ENTPD7: variants seen among roughly 807,000 people sequenced by gnomAD.
The protein encoded by ENTPD7 is ectonucleoside triphosphate diphosphohydrolase 7, also known as NTPDase 7.
ENTPD7 carries 53 observed loss-of-function variants against 77.9 expected under a neutral mutation model. That is an observed-to-expected ratio of 0.68 (90% CI 0.55 to 0.85). The LOEUF (loss-of-function observed/expected upper bound fraction) is 0.85, where lower values mean the gene tolerates loss of function less well. ENTPD7 is among the 40% of genes least tolerant of loss of function. The probability of loss-of-function intolerance (pLI) is 0.00; values close to 1 mark genes in which losing one functional copy is unlikely to be tolerated. For synonymous variants in ENTPD7, 248 were observed against 274.9 expected (o/e 0.90, Z 0.97); for missense variants, 636 against 743.7 (o/e 0.86, Z 1.68).
rs1025547673 is a variant in ENTPD7 at position 99,711,062 on chromosome 10, T to C, written c.*6379T>C. ...CATTCATGCATTCACTAATTCAATA[T>C]TTGATATGTGTCTGGGAGTGCTGGG... is the stretch of plus-strand genomic sequence containing the variant. On this transcript the variant is annotated 3_prime_UTR_variant, in exon 13 of 13. Transcript: ENST00000370489. The C allele has an allele frequency of 1.0e-5, 10 of 984,000 alleles. No individual in the cohort carries two copies. The highest frequency in any genetic ancestry group is 1.8e-5 in the African/African-American group (1 of 56,788). The allele number at this position is 984,000 out of a possible 1,614,324, so 61.0% of individuals were successfully genotyped here.
intron 5 of ENTPD7, among the ~76,000 whole-genome samples, chr10:99,683,115 CT>C (rs763722148): frequency 2.6e-4 from 38 of 148,894 alleles, no homozygotes; most frequent in African/African-American, 4.4e-4. Flanking sequence ...AGAAATTTGC[CT>C]TTTTTTTTTC....
chr10:99,704,848 C>A lies in ENTPD7; in HGVS notation c.*165C>A, dbSNP rs924249836. On this transcript the variant is annotated 3_prime_UTR_variant, in exon 13 of 13. Coordinates refer to ENST00000370489, the MANE Select transcript of ENTPD7 (RefSeq NM_020354.5). ...CGTAATTCCTTCTCCGTACCCAGGT[C>A]TTCTCTGAGAGAAGCTATAATTTAA... The A allele has an allele frequency of 3.1e-6, 2 of 654,686 alleles. No homozygotes were observed. Among genetic ancestry groups the A allele is most frequent in the African/African-American group, 1.8e-5 (1 of 54,798 alleles). 40.6% of individuals were successfully genotyped at this position (654,686 alleles called of 1,614,324 possible). A position where few individuals can be genotyped will look rare whatever the true frequency, so the allele number is the denominator to read the frequency against.
Position 99,696,126 on chromosome 10 carries a change from C to T in ENTPD7, c.1010+4C>T. 1 of 1,612,738 alleles carries T rather than the reference C, an allele frequency of 6.2e-7. No homozygotes were observed. The highest frequency in any genetic ancestry group is 8.5e-7 in the Non-Finnish European group (1 of 1,179,588). On this transcript the variant is annotated splice_donor_region_variant and intron_variant, in intron 9 of 12. Transcript: ENST00000370489. The stretch of plus-strand genomic sequence containing the variant: ...ATGAAACTCTTAACAAAAACAGGTA[C>T]ATTTGATATGGGATCTGAGTTTCTG...
At chr10:99,703,450 A>C (rs992211656) in intron 12 of ENTPD7, among the ~76,000 whole-genome samples, 2 of 152,240 alleles carry the variant, frequency 1.3e-5, no homozygotes, top group African/African-American at 2.4e-5. Context: ...AGCATTTGCC[A>C]GTTCTCATCT....
At chr10:99,678,776 C>A (rs76698775) in intron 3 of ENTPD7, among the ~76,000 whole-genome samples, 117 of 126,112 alleles carry the variant, frequency 9.3e-4, no homozygotes, top group African/African-American at 1.0e-3. Flanking sequence ...GACTCCGTCT[C>A]AAAAAAAAAA....
At position 99,709,770 on chromosome 10, in the gene ENTPD7, T is replaced by C. The variant is rs1212761274; in HGVS notation, c.*5087T>C. 1.0e-6 allele frequency: 1 copy of C among 985,270 alleles called. No homozygotes were observed. Among genetic ancestry groups the C allele is most frequent in the East Asian group, 1.1e-4 (1 of 8,832 alleles). The allele number at this position is 985,270 out of a possible 1,614,324, so 61.0% of individuals were successfully genotyped here. A position where few individuals can be genotyped will look rare whatever the true frequency, so the allele number is the denominator to read the frequency against. Reference sequence around the variant, plus strand: ...TCTTCCTTATATCCTAATAGACTTCTCTTGTGTTATTACACATTTCTCTTT... The same window carrying C: ...TCTTCCTTATATCCTAATAGACTTCCCTTGTGTTATTACACATTTCTCTTT... On this transcript the variant is annotated 3_prime_UTR_variant, in exon 13 of 13. Coordinates refer to ENST00000370489, the MANE Select transcript of ENTPD7 (RefSeq NM_020354.5).
At chr10:99,675,381 G>A (rs1438275930) in intron 3 of ENTPD7, among the ~76,000 whole-genome samples, 1 of 151,646 alleles carries the variant, frequency 6.6e-6, no homozygotes, top group Non-Finnish European at 1.5e-5. Context: ...AGGAAGATTT[G>A]CATAACTCAG....
intron 12 of ENTPD7, among the ~76,000 whole-genome samples, chr10:99,702,989 C>T (rs897591805): frequency 6.6e-6 from 1 of 152,192 alleles, no homozygotes; most frequent in Non-Finnish European, 1.5e-5. Context: ...TTCCAAGATA[C>T]TGACAAGCTA....
At position 99,710,765 on chromosome 10, in the gene ENTPD7, T is replaced by G. The variant is rs2036356337; in HGVS notation, c.*6082T>G. ...AAAATCATGATTATCAGTGTTGATC[T>G]CTGCAACCAACATTGCTTTAGGGAG... On this transcript the variant is annotated 3_prime_UTR_variant, in exon 13 of 13. Transcript: ENST00000370489. The G allele has an allele frequency of 4.1e-6, 4 of 985,304 alleles. No individual in the cohort carries two copies. The highest frequency in any genetic ancestry group is 4.8e-6 in the Non-Finnish European group (4 of 829,904). The allele number at this position is 985,304 out of a possible 1,614,324, so 61.0% of individuals were successfully genotyped here.
intron 2 of ENTPD7, among the ~76,000 whole-genome samples, chr10:99,660,988 G>T (rs2035478144): frequency 6.6e-6 from 1 of 152,054 alleles, no homozygotes; most frequent in Non-Finnish European, 1.5e-5. Context: ...TGGGGTCAGG[G>T]CAAGAATCAC....
At chr10:99,679,639 A>T in intron 4 of ENTPD7, 86 bp from the exon 5 acceptor site, 1 of 1,501,262 alleles carries the variant, frequency 6.7e-7, no homozygotes, top group Non-Finnish European at 8.9e-7. Context: ...GACCTTGAGG[A>T]GAACTTTATA....
intron 3 of ENTPD7, among the ~76,000 whole-genome samples, chr10:99,673,184 A>G (rs1590040426): frequency 1.3e-5 from 2 of 152,332 alleles, no homozygotes; most frequent in Non-Finnish European, 2.9e-5. Context: ...GAGGGATGCC[A>G]AGGCTTTTGA....
intron 5 of ENTPD7, among the ~76,000 whole-genome samples, chr10:99,684,240 T>C (rs2300979): frequency 0.84 from 128,343 of 152,010 alleles, 54,404 homozygotes; most frequent in Middle Eastern, 0.92. Flanking sequence ...TTGGTAGAGA[T>C]GGGGTTTCAC....
At chr10:99,665,635 T>G (rs1399158627) in intron 3 of ENTPD7, among the ~76,000 whole-genome samples, 1 of 152,122 alleles carries the variant, frequency 6.6e-6, no homozygotes, top group Non-Finnish European at 1.5e-5. Context: ...GCTTATGTTT[T>G]CAGCCTTGCC....
rs1162408983 is a variant in ENTPD7 at position 99,709,131 on chromosome 10, G to C, written c.*4448G>C. 3 of 983,092 alleles carry C rather than the reference G, an allele frequency of 3.1e-6. No homozygotes were observed. The African/African-American group carries it at 5.3e-5, about 17-fold the overall frequency. The allele number at this position is 983,092 out of a possible 1,614,324, so 60.9% of individuals were successfully genotyped here. ...CAATTTCCTTTACTACAACATCCAA[G>C]CAATTCATTAGATGACTACAGCCTA... is the stretch of plus-strand genomic sequence containing the variant. On this transcript the variant is annotated 3_prime_UTR_variant, in exon 13 of 13. Transcript: ENST00000370489.
At chr10:99,699,261 G>C (rs2036055464) in intron 10 of ENTPD7, among the ~76,000 whole-genome samples, 1 of 152,164 alleles carries the variant, frequency 6.6e-6, no homozygotes, top group South Asian at 2.1e-4. Flanking sequence ...CACCCAGAGG[G>C]GCAAGCCCAT....
chr10:99,691,325 G>A, intron 7 of ENTPD7, 60 bp from the exon 8 acceptor site: 1 of 1,558,814 alleles, frequency 6.4e-7, no homozygotes, highest in Non-Finnish European at 8.7e-7. Context: ...CTGTTTTGGG[G>A]GTTTGACTTA....
intron 3 of ENTPD7, among the ~76,000 whole-genome samples, chr10:99,671,969 A>G (rs189922706): frequency 6.6e-6 from 1 of 152,374 alleles, no homozygotes; most frequent in East Asian, 1.9e-4. Flanking sequence ...GCTCTTTAGC[A>G]TATACAGATG....
At position 99,706,255 on chromosome 10, in the gene ENTPD7, G is replaced by T. The variant is rs1198552777; in HGVS notation, c.*1572G>T. 6.6e-6 allele frequency: 1 copy of T among 151,922 alleles called. No homozygotes were observed. Among genetic ancestry groups the T allele is most frequent in the Non-Finnish European group, 1.5e-5 (1 of 67,992 alleles). 9.4% of individuals were successfully genotyped at this position (151,922 alleles called of 1,614,324 possible). ...GATAAAAATAAGTATACTGACCCTT[G>T]GTTGGTAGATAAAAAGATGACCAGT... On this transcript the variant is annotated 3_prime_UTR_variant, in exon 13 of 13. Coordinates refer to ENST00000370489, the MANE Select transcript of ENTPD7 (RefSeq NM_020354.5).
Sources: allele counts gnomAD v4.1 joint callset (sites outside exome capture counted in the v4.1 genomes callset), GRCh38; gene constraint gnomAD v4.1.1; transcripts MANE v1.5; gene names NCBI Gene and HGNC (gene_info 2026-07-23, HGNC 2026-07-21).